Variants in SLC8A3 observed in about 807,000 individuals in gnomAD.
SLC8A3 encodes solute carrier family 8 member A3, also known as sodium/calcium exchanger 3.
Under a neutral mutation model 65.4 loss-of-function variants are expected in SLC8A3, and 37 were observed. The observed-to-expected ratio is 0.57, with a 90% CI of 0.44 to 0.74. The LOEUF is 0.74. SLC8A3 is among the 30% of genes least tolerant of loss of function. The pLI, the probability that SLC8A3 is intolerant of heterozygous loss-of-function variation, is 0.00. For synonymous variants in SLC8A3, 461 were observed against 444.5 expected, an observed-to-expected ratio of 1.04 and a Z score of -0.47; for missense variants, 1,112 against 1,172.1, an observed-to-expected ratio of 0.95 and a Z score of 0.75.
intron 1 of SLC8A3, among the ~76,000 whole-genome samples, chr14:70,174,570 G>A (rs916456202): frequency 1.3e-5 from 2 of 151,484 alleles, no homozygotes; most frequent in Non-Finnish European, 2.9e-5. Flanking sequence ...GCTAGGAGGG[G>A]GTGGTAGGAA....
chr14:70,049,104 A>G, intron 5 of SLC8A3, 62 bp from the exon 6 acceptor site: 1 of 1,507,988 alleles, frequency 6.6e-7, no homozygotes, highest in African/African-American at 1.4e-5. Flanking sequence ...TTCATGAGAA[A>G]GTCAAGCCCA....
At chr14:70,062,398 A>G (rs1888908385) in intron 2 of SLC8A3, among the ~76,000 whole-genome samples, 1 of 152,200 alleles carries the variant, frequency 6.6e-6, no homozygotes, top group Non-Finnish European at 1.5e-5. Context: ...CCATAAGGCT[A>G]TATACTACGA....
intron 2 of SLC8A3, among the ~76,000 whole-genome samples, chr14:70,107,211 A>G (rs897113656): frequency 1.3e-5 from 2 of 152,060 alleles, no homozygotes; most frequent in Non-Finnish European, 2.9e-5. Context: ...CTGAGAAAGG[A>G]CATCATTTGG....
intron 2 of SLC8A3, among the ~76,000 whole-genome samples, chr14:70,064,397 G>C (rs911200975): frequency 6.6e-6 from 1 of 151,820 alleles, no homozygotes; most frequent in Non-Finnish European, 1.5e-5. Flanking sequence ...TTTGCAATCA[G>C]CTGACGTTGA....
At chr14:70,160,092 A>G (rs1896796655) in intron 2 of SLC8A3, among the ~76,000 whole-genome samples, 1 of 152,260 alleles carries the variant, frequency 6.6e-6, no homozygotes, top group Non-Finnish European at 1.5e-5. Flanking sequence ...CAATACATTA[A>G]AACAACTATA....
At chr14:70,110,512 T>C (rs1298828205) in intron 2 of SLC8A3, among the ~76,000 whole-genome samples, 1 of 152,196 alleles carries the variant, frequency 6.6e-6, no homozygotes, top group Non-Finnish European at 1.5e-5. Flanking sequence ...TTGTTGCTAA[T>C]GACTGGATCT....
intron 1 of SLC8A3, among the ~76,000 whole-genome samples, chr14:70,182,547 G>T (rs1318591447): frequency 3.5e-5 from 2 of 57,212 alleles, no homozygotes; most frequent in Non-Finnish European, 7.4e-5. Context: ...ATTATCTGGT[G>T]CAGGGAGAGA....
chr14:70,150,839 C>G (rs557122748), intron 2 of SLC8A3, among the ~76,000 whole-genome samples: 17 of 152,318 alleles, frequency 1.1e-4, no homozygotes, highest in African/African-American at 3.6e-4. Flanking sequence ...TGACTCTTAA[C>G]TATACAGTGG....
chr14:70,129,397 G>C (rs61977449), intron 2 of SLC8A3, among the ~76,000 whole-genome samples: 17,675 of 152,170 alleles, frequency 0.12, 1,228 homozygotes, highest in Non-Finnish European at 0.16. Context: ...TGTGAGCCAG[G>C]TGTTTGTGCT....
At chr14:70,184,873 A>G (rs1883052538) in intron 1 of SLC8A3, among the ~76,000 whole-genome samples, 1 of 152,210 alleles carries the variant, frequency 6.6e-6, no homozygotes, top group Admixed American at 6.5e-5. Context: ...TTTGGAGTTC[A>G]ATGTTTTTCT....
chr14:70,154,349 A>C lies in SLC8A3; in HGVS notation c.1784+12290T>G, dbSNP rs562643934. Among the ~76,000 whole-genome samples the C allele has an allele frequency of 2.6e-5, 4 of 152,384 alleles. No homozygotes were observed. The South Asian group carries it at 8.3e-4, about 32-fold the overall frequency. On this transcript the variant is annotated intron_variant, in intron 2 of 6. Transcript: ENST00000356921. ...ATGTTAAACATTTAAAAGTGCACAA[A>C]GTGTAAAGTAAAAGATTAAAAGTTG...
chr14:70,177,929 G>A (rs1898005897), intron 1 of SLC8A3, among the ~76,000 whole-genome samples: 1 of 152,220 alleles, frequency 6.6e-6, no homozygotes, highest in African/African-American at 2.4e-5. Flanking sequence ...CCAGGACTGG[G>A]ATGAGAGGCA....
chr14:70,047,680 C>T (rs1886949565), intron 6 of SLC8A3: 1 of 152,244 alleles, frequency 6.6e-6, no homozygotes, highest in African/African-American at 2.4e-5. Flanking sequence ...TCCCTTGGCC[C>T]AGCCAGAAAA....
intron 2 of SLC8A3, among the ~76,000 whole-genome samples, chr14:70,128,622 T>G (rs760828184): frequency 6.6e-6 from 1 of 152,216 alleles, no homozygotes; most frequent in Non-Finnish European, 1.5e-5. Flanking sequence ...TTGATGGCAT[T>G]TAAGACTATG....
chr14:70,167,421 C>T lies in SLC8A3; in HGVS notation c.1002G>A (p.Gln334=). The T allele has an allele frequency of 6.2e-7, 1 of 1,614,162 alleles. No homozygotes were observed. The highest frequency in any genetic ancestry group is 1.1e-5 in the South Asian group (1 of 91,070). Residue 334 remains glutamine (Q), a synonymous_variant, in exon 2 of 7, where the codon CAG becomes CAA. Coordinates refer to ENST00000356921, the MANE Select transcript of SLC8A3 (RefSeq NM_182932.3). ...KQKHPEKDLD[Q]LVEMANYYAL... is the part of the protein sequence containing the mutation. ...CATAGTAATTGGCCATCTCCACCAG[C>T]TGATCTAAGTCCTTCTCTGGGTGTT...
At chr14:70,122,696 C>A (rs1469669110) in intron 2 of SLC8A3, among the ~76,000 whole-genome samples, 5 of 151,988 alleles carry the variant, frequency 3.3e-5, no homozygotes, top group African/African-American at 9.6e-5. Flanking sequence ...AACAAACAAA[C>A]AAAAAAACGT....
chr14:70,063,924 G>A (rs1196102583), intron 2 of SLC8A3: 6 of 1,582,386 alleles, frequency 3.8e-6, no homozygotes, highest in African/African-American at 1.3e-5. Flanking sequence ...GATGTGAATT[G>A]TTTTGCTGTG....
intron 1 of SLC8A3, among the ~76,000 whole-genome samples, chr14:70,174,240 T>A (rs1336352133): frequency 6.6e-6 from 1 of 152,206 alleles, no homozygotes; most frequent in Non-Finnish European, 1.5e-5. Context: ...CCGACAAGCT[T>A]GGAAGCTCTA....
intron 6 of SLC8A3, 65 bp downstream of exon 6, chr14:70,048,702 G>T: frequency 7.4e-7 from 1 of 1,360,038 alleles, no homozygotes. Flanking sequence ...TAATGAGATG[G>T]AGTCCAGGGG....
Sources: allele counts gnomAD v4.1 joint callset (sites outside exome capture counted in the v4.1 genomes callset), GRCh38; gene constraint gnomAD v4.1.1; transcripts MANE v1.5; gene names NCBI Gene and HGNC (gene_info 2026-07-23, HGNC 2026-07-21).